ZNF143: variants seen among roughly 807,000 people sequenced by gnomAD.
The protein encoded by ZNF143 is zinc finger protein 143.
Under a neutral mutation model 74.1 loss-of-function variants are expected in ZNF143, and 49 were observed. That is an observed-to-expected ratio of 0.66 (90% confidence interval 0.53 to 0.84). The LOEUF is 0.84. Ranked by LOEUF, ZNF143 falls within the 40% of genes least tolerant of loss-of-function variation. The pLI, the probability that ZNF143 is intolerant of heterozygous loss-of-function variation, is 0.00. For missense variants in ZNF143, 637 were observed against 793.4 expected (o/e 0.80, Z 2.37); for synonymous variants, 304 against 282.8 (o/e 1.07, Z -0.75).
chr11:9,514,488 G>A (rs1403678577), intron 13 of ZNF143, among the ~76,000 whole-genome samples: 1 of 152,200 alleles, frequency 6.6e-6, no homozygotes, highest in East Asian at 1.9e-4. Context: ...AGTCTAGTAG[G>A]AGAGAGACCC....
At chr11:9,470,880 G>A (rs1353905718) in intron 1 of ZNF143, among the ~76,000 whole-genome samples, 1 of 152,078 alleles carries the variant, frequency 6.6e-6, no homozygotes, top group Non-Finnish European at 1.5e-5. Flanking sequence ...TTGTGGCTTA[G>A]ATCAGGGAAG....
Position 9,474,555 on chromosome 11 carries a change from G to C in ZNF143, c.295G>C (p.Asp99His). ...ATGTAAGCATTGTTCTTGAGCAGGG[G>C]ACAGTTTGCGTCTAGAGGATGGTCA... Reference protein sequence around the residue: ...QHVPIPKSTGDSLRLEDGQAV... With the variant: ...QHVPIPKSTGHSLRLEDGQAV... Residue 99 changes from aspartate to histidine, a missense_variant, in exon 5 of 16, where the codon GAC becomes CAC. Physicochemically the swap from Asp to His is moderately conservative, Grantham distance 81. This residue lies in a region of ZNF143 where 293 missense variants were observed against 307.8 expected (regional missense o/e 0.95). Transcript: ENST00000396602. The C allele has an allele frequency of 6.2e-7, 1 of 1,614,114 alleles. No individual in the cohort carries two copies. The highest frequency in any genetic ancestry group is 8.5e-7 in the Non-Finnish European group (1 of 1,179,992).
At chr11:9,462,197 A>G (rs578042098) in intron 1 of ZNF143, among the ~76,000 whole-genome samples, 43 of 150,818 alleles carry the variant, frequency 2.9e-4, no homozygotes, top group African/African-American at 1.0e-3. Flanking sequence ...TTTTTTTTTA[A>G]TTGTCAGTGT....
At chr11:9,471,636 T>C (rs1856577450) in intron 2 of ZNF143, among the ~76,000 whole-genome samples, 1 of 151,374 alleles carries the variant, frequency 6.6e-6, no homozygotes, top group Non-Finnish European at 1.5e-5. Context: ...CACTGCAACC[T>C]CTGCCTCCCA....
intron 1 of ZNF143, among the ~76,000 whole-genome samples, chr11:9,470,852 A>C (rs1437338028): frequency 6.6e-6 from 1 of 152,096 alleles, no homozygotes; most frequent in Non-Finnish European, 1.5e-5. Context: ...TGTTATAGTA[A>C]TGCAGGTGAG....
Position 9,474,460 on chromosome 11 carries a change from G to C in ZNF143, c.290-90G>C, listed in dbSNP as rs1856765140. On this transcript the variant is annotated intron_variant, in intron 4 of 15. Transcript: ENST00000396602. The stretch of plus-strand genomic sequence containing the variant: ...TGAAGCAAGTATAGATTGTTATAAT[G>C]TGTTAATGGTTTATTGACTCTTGTT... 3 of 1,258,770 alleles carry C rather than the reference G, an allele frequency of 2.4e-6. No individual in the cohort carries two copies. In the Admixed American group the frequency reaches 5.3e-5, roughly 22 times the overall value. 78.0% of individuals were successfully genotyped at this position (1,258,770 alleles called of 1,614,324 possible). A position where few individuals can be genotyped will look rare whatever the true frequency, so the allele number is the denominator to read the frequency against.
chr11:9,494,524 T>C (rs1450854389), intron 7 of ZNF143, 122 bp from the exon 8 acceptor site: 1 of 890,322 alleles, frequency 1.1e-6, no homozygotes, highest in Non-Finnish European at 1.7e-6. Flanking sequence ...TTGCCCAGGC[T>C]GCTCTTGAAC....
chr11:9,484,944 C>A (rs1027708275), intron 7 of ZNF143, among the ~76,000 whole-genome samples: 1 of 150,164 alleles, frequency 6.7e-6, no homozygotes, highest in African/African-American at 2.5e-5. Flanking sequence ...ACTACAGGCG[C>A]CCGCCACCAC....
chr11:9,516,159 A>G (rs1458315028), intron 13 of ZNF143, 42 bp from the exon 14 acceptor site: 3 of 1,603,712 alleles, frequency 1.9e-6, no homozygotes, highest in African/African-American at 2.7e-5. Context: ...GTCAGCTATA[A>G]CAAGAAACAT....
intron 10 of ZNF143, among the ~76,000 whole-genome samples, chr11:9,499,077 T>A (rs1389992406): frequency 6.6e-6 from 1 of 152,234 alleles, no homozygotes; most frequent in African/African-American, 2.4e-5. Context: ...TCTAGTTTTA[T>A]AAATATTGAT....
chr11:9,501,260 G>A lies in ZNF143; in HGVS notation c.1137G>A (p.Arg379=). 1 of 1,613,884 alleles carries A rather than the reference G, an allele frequency of 6.2e-7. No homozygotes were observed. Among genetic ancestry groups the A allele is most frequent in the Non-Finnish European group, 8.5e-7 (1 of 1,179,912 alleles). ...CAACAAATTATAAAAACCATGTGAG[G>A]ATACACACAGGTAACAATCTCTGAT... is the stretch of plus-strand genomic sequence containing the variant. The part of the protein sequence containing the change: ...ASATNYKNHV[R]IHTGEKPYVC... The change falls in exon 11 of 16, where the codon AGG becomes AGA. Residue 379 remains arginine (R), a synonymous_variant. Coordinates refer to ENST00000396602, the MANE Select transcript of ZNF143 (RefSeq NM_003442.6).
At chr11:9,521,253 C>T (rs1464420607) in intron 14 of ZNF143, among the ~76,000 whole-genome samples, 2 of 152,184 alleles carry the variant, frequency 1.3e-5, no homozygotes, top group Admixed American at 6.5e-5. Flanking sequence ...AATAGAGGAT[C>T]ATACTCTATT....
intron 7 of ZNF143, among the ~76,000 whole-genome samples, chr11:9,485,864 C>T (rs1590553138): frequency 2.6e-5 from 4 of 151,496 alleles, no homozygotes; most frequent in Middle Eastern, 3.4e-3. Context: ...TGCATTAGGC[C>T]GTTACAGTAA....
chr11:9,475,954 GTA>G (rs1554962089), intron 5 of ZNF143, among the ~76,000 whole-genome samples: 3 of 150,572 alleles, frequency 2.0e-5, no homozygotes, highest in Admixed American at 6.7e-5. Context: ...GTGTGTGTGT[GTA>G]TAAAATTTTT....
chr11:9,477,169 T>TCCTC (rs1313361654), intron 5 of ZNF143, among the ~76,000 whole-genome samples: 2 of 126,760 alleles, frequency 1.6e-5, no homozygotes, highest in South Asian at 2.5e-4. Context: ...CTTCCTTCCT[T>TCCTC]CCTCCTCTCC....
chr11:9,470,657 G>C (rs1368845804), intron 1 of ZNF143, among the ~76,000 whole-genome samples: 1 of 152,176 alleles, frequency 6.6e-6, no homozygotes. Context: ...TAGGAAATGA[G>C]GGGCAAGATC....
intron 7 of ZNF143, among the ~76,000 whole-genome samples, chr11:9,487,158 G>C (rs1358407879): frequency 1.3e-5 from 2 of 149,456 alleles, no homozygotes; most frequent in Non-Finnish European, 2.9e-5. Flanking sequence ...ATAGAGATGG[G>C]GTGTCACCAT....
chr11:9,482,656 CTTTTT>C (rs55996675), intron 7 of ZNF143, among the ~76,000 whole-genome samples: 13 of 144,448 alleles, frequency 9.0e-5, no homozygotes, highest in Non-Finnish European at 9.0e-5. Context: ...GAATGGGATT[CTTTTT>C]TTTTTTTTTT....
At chr11:9,473,070 G>T (rs1021374522) in intron 3 of ZNF143, among the ~76,000 whole-genome samples, 3 of 151,596 alleles carry the variant, frequency 2.0e-5, no homozygotes, top group African/African-American at 7.3e-5. Context: ...TCATTATTTC[G>T]TATTTTTACC....
Sources: allele counts gnomAD v4.1 joint callset (sites outside exome capture counted in the v4.1 genomes callset), GRCh38; gene constraint gnomAD v4.1.1; regional missense constraint gnomAD v4.1.1; transcripts MANE v1.5; gene names NCBI Gene and HGNC (gene_info 2026-07-23, HGNC 2026-07-21).